ABCC9: variants seen among roughly 807,000 people sequenced by gnomAD.
ABCC9 encodes ATP-binding cassette sub-family C member 9.
ABCC9 carries 95 observed loss-of-function variants against 188.3 expected under a neutral mutation model. That is an observed-to-expected ratio of 0.50 (90% confidence interval 0.43 to 0.60). The LOEUF (loss-of-function observed/expected upper bound fraction) is 0.60, where lower values mean the gene tolerates loss of function less well. Ranked by LOEUF, ABCC9 falls within the 20% of genes least tolerant of loss-of-function variation. The pLI, the probability that ABCC9 is intolerant of heterozygous loss-of-function variation, is 0.00. For synonymous variants in ABCC9, 659 were observed against 652.7 expected (o/e 1.01, Z -0.15); for missense variants, 1,102 against 1,876.3 (o/e 0.59, Z 7.62).
chr12:21,909,941 G>A (rs1269579787), intron 10 of ABCC9, among the ~76,000 whole-genome samples: 1 of 151,822 alleles, frequency 6.6e-6, no homozygotes, highest in Non-Finnish European at 1.5e-5. Context: ...TAAATGACGG[G>A]GTAGGGCAGA....
chr12:21,906,559 A>G (rs1461329890), intron 11 of ABCC9, among the ~76,000 whole-genome samples: 3 of 152,246 alleles, frequency 2.0e-5, no homozygotes, highest in East Asian at 1.9e-4. Context: ...ACAATTTTCT[A>G]AAGTTTCACA....
In ABCC9 at chr12:21,815,913, A is replaced by G; in HGVS notation, c.3893-20T>C. 1 of 1,609,068 alleles carries G rather than the reference A, an allele frequency of 6.2e-7. No individual in the cohort carries two copies. Among genetic ancestry groups the G allele is most frequent in the Non-Finnish European group, 8.5e-7 (1 of 1,176,336 alleles). On this transcript the variant is annotated intron_variant, in intron 33 of 39. Transcript: ENST00000261200. ...AAGGATCTGGAGGATGGGATGGGGA[A>G]ATAGACAGATAATAGGCAGATAGAG... is the stretch of plus-strand genomic sequence containing the variant.
chr12:21,887,022 A>C (rs952512223), intron 15 of ABCC9, among the ~76,000 whole-genome samples: 8 of 152,116 alleles, frequency 5.3e-5, no homozygotes, highest in African/African-American at 1.9e-4. Flanking sequence ...TTACTGTTTT[A>C]ATTTGCTTAT....
intron 35 of ABCC9, among the ~76,000 whole-genome samples, chr12:21,812,855 A>G (rs1413514331): frequency 1.3e-5 from 2 of 152,184 alleles, no homozygotes; most frequent in Non-Finnish European, 2.9e-5. Flanking sequence ...TAATAAAAAA[A>G]AATCTTGTGT....
intron 37 of ABCC9, among the ~76,000 whole-genome samples, chr12:21,808,140 A>C (rs1941986273): frequency 6.6e-6 from 1 of 152,094 alleles, no homozygotes; most frequent in Admixed American, 6.6e-5. Flanking sequence ...ATTAGAATTC[A>C]AACACCTTTC....
At chr12:21,901,410 A>C (rs573803639) in intron 12 of ABCC9, among the ~76,000 whole-genome samples, 1 of 152,314 alleles carries the variant, frequency 6.6e-6, no homozygotes, top group East Asian at 1.9e-4. Flanking sequence ...CGAGCAAAAT[A>C]ACCAGCTAAC....
intron 30 of ABCC9, among the ~76,000 whole-genome samples, chr12:21,830,255 C>CA (rs1371025029): frequency 6.6e-6 from 1 of 152,136 alleles, no homozygotes; most frequent in African/African-American, 2.4e-5. Flanking sequence ...TAAATCACAA[C>CA]AATAGTCTCT....
chr12:21,925,418 C>G (rs1949006044), intron 5 of ABCC9: 1 of 680,612 alleles, frequency 1.5e-6, no homozygotes, highest in East Asian at 2.7e-5. Flanking sequence ...CTCCTCAGGA[C>G]AGCATACTTT....
intron 37 of ABCC9, among the ~76,000 whole-genome samples, chr12:21,807,746 A>G (rs1295166185): frequency 1.3e-5 from 2 of 152,220 alleles, no homozygotes; most frequent in Non-Finnish European, 2.9e-5. Flanking sequence ...GATCTTGGAA[A>G]TTATTTAATT....
At chr12:21,908,239 A>G (rs758174780) in intron 10 of ABCC9, 28 bp from the exon 11 acceptor site, 2 of 1,610,966 alleles carry the variant, frequency 1.2e-6, no homozygotes, top group Non-Finnish European at 1.7e-6. Flanking sequence ...TGGAAAAGAG[A>G]AGATGAATGG....
chr12:21,853,306 G>T (rs2137450489), intron 22 of ABCC9, among the ~76,000 whole-genome samples: 1 of 152,222 alleles, frequency 6.6e-6, no homozygotes, highest in Admixed American at 6.5e-5. Flanking sequence ...CTCCAGCCTG[G>T]TGACAGAACG....
intron 34 of ABCC9, among the ~76,000 whole-genome samples, chr12:21,815,251 T>G (rs1845121007): frequency 6.6e-6 from 1 of 151,996 alleles, no homozygotes; most frequent in African/African-American, 2.4e-5. Context: ...CTATTTATTT[T>G]TATTTTCATG....
chr12:21,910,422 A>C (rs992672571), intron 9 of ABCC9, 110 bp from the exon 10 acceptor site: 10 of 1,110,656 alleles, frequency 9.0e-6, no homozygotes, highest in African/African-American at 8.0e-5. Context: ...AGAAAAAAGA[A>C]AAGAAAAATT....
At chr12:21,877,962 G>A (rs1291023931) in intron 16 of ABCC9, among the ~76,000 whole-genome samples, 1 of 152,000 alleles carries the variant, frequency 6.6e-6, no homozygotes, top group East Asian at 1.9e-4. Context: ...GGTACTAAAG[G>A]ACTGGGAGAA....
chr12:21,824,292 T>G (rs1395315183), intron 31 of ABCC9, among the ~76,000 whole-genome samples: 2 of 152,158 alleles, frequency 1.3e-5, no homozygotes, highest in Non-Finnish European at 2.9e-5. Context: ...ATGGATTACG[T>G]TTATTGATTT....
intron 27 of ABCC9, 44 bp from the exon 28 acceptor site, chr12:21,844,596 T>C: frequency 6.3e-7 from 1 of 1,593,998 alleles, no homozygotes. Flanking sequence ...ACTAAACTAT[T>C]TGGAACCTGG....
At chr12:21,893,797 TA>T (rs577253772) in intron 14 of ABCC9, among the ~76,000 whole-genome samples, 2 of 151,666 alleles carry the variant, frequency 1.3e-5, no homozygotes, top group African/African-American at 4.8e-5. Flanking sequence ...GGGAGAATAA[TA>T]AAAAAAAGTG....
chr12:21,824,695 C>T (rs993396148), intron 31 of ABCC9, among the ~76,000 whole-genome samples: 22 of 152,056 alleles, frequency 1.4e-4, no homozygotes, highest in Non-Finnish European at 7.4e-5. Flanking sequence ...TTCAGGGATT[C>T]GACTTCTTCC....
intron 18 of ABCC9, among the ~76,000 whole-genome samples, chr12:21,868,638 C>T (rs1945905438): frequency 6.6e-6 from 1 of 151,910 alleles, no homozygotes; most frequent in Non-Finnish European, 1.5e-5. Flanking sequence ...GACTCTGTCT[C>T]AATAAATAAA....
Sources: allele counts gnomAD v4.1 joint callset (sites outside exome capture counted in the v4.1 genomes callset), GRCh38; gene constraint gnomAD v4.1.1; transcripts MANE v1.5; gene names NCBI Gene and HGNC (gene_info 2026-07-23, HGNC 2026-07-21).